The following CEP192 variants were observed in gnomAD, a reference collection of about 807,000 sequenced individuals.
CEP192 encodes centrosomal protein of 192 kDa.
A neutral mutation model predicts 271.8 loss-of-function variants in CEP192; 151 were observed. That is an observed-to-expected ratio of 0.56 (90% CI 0.49 to 0.64). The LOEUF is 0.64. CEP192 is among the 30% of genes least tolerant of loss of function. The pLI, the probability that CEP192 is intolerant of heterozygous loss-of-function variation, is 0.00. For synonymous variants in CEP192, 995 were observed against 1,076.5 expected (o/e 0.92, Z 1.48); for missense variants, 2,910 against 3,020.5 (o/e 0.96, Z 0.86).
At chr18:13,111,194 G>C (rs13381568) in intron 40 of CEP192, among the ~76,000 whole-genome samples, 1 of 152,088 alleles carries the variant, frequency 6.6e-6, no homozygotes, top group African/African-American at 2.4e-5. Flanking sequence ...GTTCAATCTC[G>C]TCTCACTGCA....
chr18:13,117,615 T>A lies in CEP192; in HGVS notation c.7447T>A (p.Tyr2483Asn). 1 of 1,613,022 alleles carries A rather than the reference T, an allele frequency of 6.2e-7. No individual in the cohort carries two copies. Residue 2483 changes from tyrosine (Y) to asparagine (N), a missense_variant, in exon 44 of 45, where the codon TAT becomes AAT. By Grantham distance (143) the Tyr-to-Asn change is moderately radical. Coordinates refer to ENST00000506447, the MANE Select transcript of CEP192 (RefSeq NM_032142.4). ...LKFLSPREPFYVKHSKYSLRA... is the reference protein window; with the variant it reads ...LKFLSPREPFNVKHSKYSLRA... Reference sequence around the variant, plus strand: ...GTTTTTGAGTCCCAGAGAGCCATTCTATGTCAAACATTCCAAGTACTCTTT... The same window carrying A: ...GTTTTTGAGTCCCAGAGAGCCATTCAATGTCAAACATTCCAAGTACTCTTT...
chr18:13,033,814 C>CT (rs2035763997), intron 11 of CEP192, among the ~76,000 whole-genome samples: 1 of 152,104 alleles, frequency 6.6e-6, no homozygotes, highest in Non-Finnish European at 1.5e-5. Flanking sequence ...ATAAAGTATT[C>CT]TAACATTTGT....
At chr18:13,034,588 AC>A (rs1187256414) in intron 11 of CEP192, among the ~76,000 whole-genome samples, 1 of 151,882 alleles carries the variant, frequency 6.6e-6, no homozygotes, top group East Asian at 1.9e-4. Context: ...TGGGTGGATC[AC>A]CAGGTCAGGA....
chr18:13,048,502 T>G (rs1273733849), intron 15 of CEP192, among the ~76,000 whole-genome samples: 1 of 152,182 alleles, frequency 6.6e-6, no homozygotes, highest in Non-Finnish European at 1.5e-5. Flanking sequence ...GTTCTCGACT[T>G]AATAAGGAAA....
At chr18:13,047,702 G>C (rs540490030) in intron 15 of CEP192, among the ~76,000 whole-genome samples, 1 of 151,992 alleles carries the variant, frequency 6.6e-6, no homozygotes, top group Non-Finnish European at 1.5e-5. Flanking sequence ...TGTATTTTTT[G>C]TTGTTGTTGT....
At chr18:13,068,479 A>G (rs929477773) in intron 24 of CEP192, 57 bp downstream of exon 24, 58 of 1,283,656 alleles carry the variant, frequency 4.5e-5, no homozygotes, top group Non-Finnish European at 6.0e-5. Flanking sequence ...TAAACTACAA[A>G]TTTGAGATGT....
At chr18:13,086,521 C>T (rs761997985) in intron 30 of CEP192, among the ~76,000 whole-genome samples, 19 of 152,150 alleles carry the variant, frequency 1.2e-4, no homozygotes, top group Non-Finnish European at 1.9e-4. Context: ...CATCCACTCT[C>T]TAACCAGTCC....
intron 18 of CEP192, among the ~76,000 whole-genome samples, chr18:13,054,555 A>G (rs770190691): frequency 6.6e-6 from 1 of 152,174 alleles, no homozygotes; most frequent in Non-Finnish European, 1.5e-5. Flanking sequence ...GAGCTGGGTT[A>G]TGGTGTCAGA....
At chr18:13,112,787 T>C (rs1044761287) in intron 40 of CEP192, among the ~76,000 whole-genome samples, 1 of 152,258 alleles carries the variant, frequency 6.6e-6, no homozygotes, top group African/African-American at 2.4e-5. Flanking sequence ...TTTAAGGTTC[T>C]GCGTGGGCAG....
chr18:12,996,666 G>A (rs963912702), intron 1 of CEP192, among the ~76,000 whole-genome samples: 1 of 152,168 alleles, frequency 6.6e-6, no homozygotes, highest in Non-Finnish European at 1.5e-5. Context: ...TGGCCAAGGA[G>A]AAGGGAAAGC....
At chr18:13,089,102 A>G (rs1296085741) in intron 32 of CEP192, among the ~76,000 whole-genome samples, 1 of 152,170 alleles carries the variant, frequency 6.6e-6, no homozygotes, top group African/African-American at 2.4e-5. Flanking sequence ...TAATTTAGGT[A>G]TTCCCCTTCA....
In CEP192 at chr18:13,056,109, A is replaced by G; in HGVS notation, c.3519A>G (p.Ser1173=). ...TCAGGCTGGCTCTCCTGGGCAAGTC[A>G]GGTCTGAGCTGTCAGGTGGGGTCAG... is the stretch of plus-strand genomic sequence containing the variant. ...DPIRLALLGK[S]GLSCQVGSAT... is the part of the protein sequence containing the mutation. The change falls in exon 19 of 45, where the codon TCA becomes TCG. Residue 1173 remains serine, a synonymous_variant. Transcript: ENST00000506447. The G allele has an allele frequency of 6.2e-7, 1 of 1,613,226 alleles. No homozygotes were observed. The highest frequency in any genetic ancestry group is 8.5e-7 in the Non-Finnish European group (1 of 1,179,500).
chr18:13,093,428 A>T (rs565519683), intron 34 of CEP192, among the ~76,000 whole-genome samples: 2 of 152,350 alleles, frequency 1.3e-5, no homozygotes, highest in East Asian at 3.9e-4. Flanking sequence ...CTCTTTCAGA[A>T]TAGAGTTCCT....
At chr18:13,009,003 C>T (rs2034160911) in intron 4 of CEP192, among the ~76,000 whole-genome samples, 1 of 144,734 alleles carries the variant, frequency 6.9e-6, no homozygotes, top group Non-Finnish European at 1.5e-5. Flanking sequence ...GCCACTGTGC[C>T]TGGCCTTTTT....
Position 13,106,775 on chromosome 18 carries a change from C to T in CEP192, c.7047+1696C>T, listed in dbSNP as rs1819868112. ...CCACCACCACCACCACCACTGACAACTACCATCATCATCTCCCACACAACC... is the reference window on the plus strand; with the variant it reads ...CCACCACCACCACCACCACTGACAATTACCATCATCATCTCCCACACAACC... On this transcript the variant is annotated intron_variant, in intron 40 of 44. Transcript: ENST00000506447. 3.9e-5 allele frequency among the ~76,000 whole-genome samples: 6 copies of T among 152,352 alleles called. No individual in the cohort carries two copies. In the South Asian group the frequency reaches 1.2e-3, roughly 32 times the overall value.
At chr18:13,021,006 C>T (rs550102639) in intron 9 of CEP192, among the ~76,000 whole-genome samples, 1 of 152,204 alleles carries the variant, frequency 6.6e-6, no homozygotes, top group South Asian at 2.1e-4. Context: ...ATTTTCCTCC[C>T]ATTCTGTAGG....
chr18:13,085,055 G>C (rs771563699), intron 30 of CEP192, among the ~76,000 whole-genome samples: 10 of 151,512 alleles, frequency 6.6e-5, no homozygotes, highest in Non-Finnish European at 1.0e-4. Context: ...TTGATCTCCT[G>C]ATCTCGTGAT....
intron 40 of CEP192, among the ~76,000 whole-genome samples, chr18:13,110,910 A>G (rs2040179599): frequency 6.6e-6 from 1 of 152,242 alleles, no homozygotes; most frequent in South Asian, 2.1e-4. Context: ...AGACTCAGCA[A>G]GCAAGGTTAT....
At chr18:13,093,943 G>A (rs74920533) in intron 34 of CEP192, among the ~76,000 whole-genome samples, 5,342 of 152,228 alleles carry the variant, frequency 0.035, 105 homozygotes, top group Middle Eastern at 0.11. Context: ...GCATTCCCTG[G>A]TAAAAAGGAG....
Sources: gnomAD v4.1 joint callset for allele counts (sites outside exome capture counted in the v4.1 genomes callset) on GRCh38, gnomAD v4.1.1 for gene constraint, MANE v1.5 for transcripts, NCBI Gene and HGNC (gene_info 2026-07-23, HGNC 2026-07-21) for gene names.